KANSL1L: variants seen among roughly 807,000 people sequenced by gnomAD.
The protein encoded by KANSL1L is KAT8 regulatory NSL complex subunit 1-like protein.
In KANSL1L, 25 loss-of-function variants were observed where a neutral mutation model predicts 108.6. The ratio of observed to expected loss-of-function variants is 0.23; its 90% confidence interval spans 0.17 to 0.32. The LOEUF is 0.32. KANSL1L is among the 10% of genes least tolerant of loss of function. The pLI is 1.00. For missense variants in KANSL1L, 1,137 were observed against 1,125.7 expected (o/e 1.01, Z -0.14); for synonymous variants, 405 against 395.1 (o/e 1.03, Z -0.30).
At chr2:210,096,742 C>T (rs1487198266) in intron 5 of KANSL1L, 31 of 957,558 alleles carry the variant, frequency 3.2e-5, no homozygotes, top group East Asian at 1.2e-4. Context: ...AGAATCTTTA[C>T]GTTCAACATG....
chr2:210,098,219 C>T lies in KANSL1L; in HGVS notation c.1429-12G>A, dbSNP rs1237629109. The T allele has an allele frequency of 1.2e-6, 2 of 1,605,758 alleles. No homozygotes were observed. Among genetic ancestry groups the T allele is most frequent in the Non-Finnish European group, 1.7e-6 (2 of 1,176,550 alleles). On this transcript the variant is annotated splice_polypyrimidine_tract_variant and intron_variant, in intron 4 of 14. Transcript: ENST00000281772. ...GTCAACTGTGCACTCTGCAAGGAAACAGTCAACCTTTTACTACTGCTAAGC... is the reference window on the plus strand; with the variant it reads ...GTCAACTGTGCACTCTGCAAGGAAATAGTCAACCTTTTACTACTGCTAAGC...
At chr2:210,097,242 G>T in intron 5 of KANSL1L, 1 of 970,552 alleles carries the variant, frequency 1.0e-6, no homozygotes, top group Non-Finnish European at 1.2e-6. Context: ...ATTTCACAAA[G>T]AATTTGATGG....
intron 6 of KANSL1L, among the ~76,000 whole-genome samples, chr2:210,055,782 C>A (rs977559381): frequency 1.3e-5 from 2 of 152,130 alleles, no homozygotes; most frequent in African/African-American, 2.4e-5. Flanking sequence ...GAAGAAATTT[C>A]TAAGTGGCAA....
Position 210,154,155 on chromosome 2 carries a change from C to T in KANSL1L, c.428G>A (p.Ser143Asn). Residue 143 changes from serine (S) to asparagine (N), a missense_variant, in exon 2 of 15, where the codon AGC (serine) becomes AAC (asparagine). Coordinates refer to ENST00000281772, the MANE Select transcript of KANSL1L (RefSeq NM_152519.4). ...IKKEPLSDTT[S>N]QCMKDVQIIL... ...AATTTGTACATCTTTCATGCACTGG[C>T]TCGTGGTATCTGATAGAGGCTCCTT... The T allele has an allele frequency of 6.2e-7, 1 of 1,614,008 alleles. No individual in the cohort carries two copies. Among genetic ancestry groups the T allele is most frequent in the Non-Finnish European group, 8.5e-7 (1 of 1,179,952 alleles).
chr2:210,110,715 A>G (rs1377496075), intron 3 of KANSL1L, among the ~76,000 whole-genome samples: 8 of 152,202 alleles, frequency 5.3e-5, no homozygotes, highest in African/African-American at 7.2e-5. Context: ...CAAAAATGGA[A>G]GAGAAAAAAA....
Position 210,097,377 on chromosome 2 carries a change from G to C in KANSL1L, c.1550+709C>G, listed in dbSNP as rs139102946. The C allele has an allele frequency of 5.3e-4, 406 of 772,010 alleles. No homozygotes were observed. In the African/African-American group the frequency reaches 7.0e-3, roughly 13 times the overall value. The allele number at this position is 772,010 out of a possible 1,614,324, so 47.8% of individuals were successfully genotyped here. On this transcript the variant is annotated intron_variant, in intron 5 of 14. Coordinates refer to ENST00000281772, the MANE Select transcript of KANSL1L (RefSeq NM_152519.4). ...CCCAAAATTACACTTAGTTCTCTAT[G>C]GTAATTAAAGCAAAGAAGCCAACAT...
chr2:210,057,872 G>A (rs911353394), intron 6 of KANSL1L, among the ~76,000 whole-genome samples: 10 of 151,884 alleles, frequency 6.6e-5, no homozygotes, highest in South Asian at 2.1e-4. Context: ...TCTTAATCCC[G>A]TCATCTTCGT....
intron 6 of KANSL1L, among the ~76,000 whole-genome samples, chr2:210,054,196 C>G (rs888112746): frequency 6.6e-6 from 1 of 151,730 alleles, no homozygotes; most frequent in Non-Finnish European, 1.5e-5. Context: ...GTGGCGGGCG[C>G]CTGTAGTCCC....
chr2:210,057,913 C>T (rs1039254836), intron 6 of KANSL1L, among the ~76,000 whole-genome samples: 1 of 152,056 alleles, frequency 6.6e-6, no homozygotes, highest in African/African-American at 2.4e-5. Flanking sequence ...CACCTCAGGA[C>T]CCTGTGATGA....
chr2:210,029,097 C>T, intron 10 of KANSL1L, 128 bp from the exon 11 acceptor site: 2 of 789,060 alleles, frequency 2.5e-6, no homozygotes, highest in Non-Finnish European at 3.9e-6. Context: ...GTTATAAAGT[C>T]TGACTAAAAA....
At chr2:210,163,115 C>T (rs142470320) in intron 1 of KANSL1L, among the ~76,000 whole-genome samples, 41 of 152,180 alleles carry the variant, frequency 2.7e-4, no homozygotes, top group African/African-American at 9.9e-4. Flanking sequence ...CAAGAGAAAA[C>T]GACAAGGCAC....
intron 3 of KANSL1L, among the ~76,000 whole-genome samples, chr2:210,107,086 A>G (rs2094854450): frequency 6.6e-6 from 1 of 152,232 alleles, no homozygotes; most frequent in Admixed American, 6.5e-5. Flanking sequence ...AAACTCTAGC[A>G]TAAGATGAAA....
At chr2:210,053,724 A>C (rs1295216059) in intron 6 of KANSL1L, among the ~76,000 whole-genome samples, 1 of 152,176 alleles carries the variant, frequency 6.6e-6, no homozygotes, top group African/African-American at 2.4e-5. Context: ...AAAAACAAAT[A>C]ACTTCTGCAT....
intron 1 of KANSL1L, among the ~76,000 whole-genome samples, chr2:210,155,780 A>T (rs2095329944): frequency 1.3e-5 from 2 of 152,244 alleles, no homozygotes; most frequent in Non-Finnish European, 2.9e-5. Flanking sequence ...GCTTTTAAAG[A>T]TACCTAGTAT....
intron 2 of KANSL1L, among the ~76,000 whole-genome samples, chr2:210,141,687 A>G (rs1214420228): frequency 1.3e-5 from 2 of 152,204 alleles, no homozygotes; most frequent in East Asian, 3.8e-4. Context: ...TTTTGCCACT[A>G]AATTGGATGT....
Position 210,028,814 on chromosome 2 carries a change from A to T in KANSL1L, c.2396+31T>A, listed in dbSNP as rs201879414. 3.6e-5 allele frequency: 53 copies of T among 1,465,130 alleles called. No homozygotes were observed. The East Asian group carries it at 1.2e-3, about 32-fold the overall frequency. 90.8% of individuals were successfully genotyped at this position (1,465,130 alleles called of 1,614,324 possible). Reference sequence around the variant, plus strand: ...ATTTAAGTTTATTAGGGAAGGAAGGAAGAAAAATATGAAGATGTAAGTATA... The same window carrying T: ...ATTTAAGTTTATTAGGGAAGGAAGGTAGAAAAATATGAAGATGTAAGTATA... On this transcript the variant is annotated intron_variant, in intron 11 of 14. Coordinates refer to ENST00000281772, the MANE Select transcript of KANSL1L (RefSeq NM_152519.4).
chr2:210,152,573 A>G (rs748954215), intron 2 of KANSL1L: 2 of 152,236 alleles, frequency 1.3e-5, no homozygotes, highest in Non-Finnish European at 2.9e-5. Flanking sequence ...GAGGTTGTGA[A>G]TATGTTGCTC....
At chr2:210,087,183 T>A (rs1221990793) in intron 5 of KANSL1L, among the ~76,000 whole-genome samples, 1 of 151,838 alleles carries the variant, frequency 6.6e-6, no homozygotes, top group Non-Finnish European at 1.5e-5. Context: ...CATCAACACA[T>A]CTGGCTCACT....
At position 210,163,807 on chromosome 2, in the gene KANSL1L, T is replaced by C. The variant is rs541509974; in HGVS notation, c.-30+7342A>G. Among the ~76,000 whole-genome samples the C allele has an allele frequency of 7.2e-4, 109 of 152,228 alleles. 1 individual carries two copies. Among genetic ancestry groups the C allele is most frequent in the African/African-American group, 2.5e-3 (104 of 41,556 alleles). ...TACTTCATCACATATTTTCCCCAAA[T>C]AGATCAAAAGCTACATGAAGGCAGG... On this transcript the variant is annotated intron_variant, in intron 1 of 14. Transcript: ENST00000281772.
Sources: gnomAD v4.1 joint callset for allele counts (sites outside exome capture counted in the v4.1 genomes callset) on GRCh38, gnomAD v4.1.1 for gene constraint, MANE v1.5 for transcripts, NCBI Gene and HGNC (gene_info 2026-07-23, HGNC 2026-07-21) for gene names.